The following RIN3 variants were observed in gnomAD, a reference collection of about 807,000 sequenced individuals.
RIN3 encodes RAB5 interacting protein 3.
Under a neutral mutation model 76.3 loss-of-function variants are expected in RIN3, and 54 were observed. The ratio of observed to expected loss-of-function variants is 0.71; its 90% confidence interval spans 0.57 to 0.89. The LOEUF is 0.89. Ranked by LOEUF, RIN3 falls within the 40% of genes least tolerant of loss-of-function variation. RIN3 has a pLI of 0.00. For missense variants in RIN3, 1,256 were observed against 1,322.1 expected, an observed-to-expected ratio of 0.95 and a Z score of 0.78; for synonymous variants, 576 against 564.0, an observed-to-expected ratio of 1.02 and a Z score of -0.30.
intron 2 of RIN3, among the ~76,000 whole-genome samples, chr14:92,562,538 A>G (rs1189448001): frequency 6.6e-6 from 1 of 152,214 alleles, no homozygotes; most frequent in Non-Finnish European, 1.5e-5. Flanking sequence ...TTGTGGAATC[A>G]GGGGCACTTT....
At chr14:92,683,284 C>T (rs1167342453) in intron 8 of RIN3, among the ~76,000 whole-genome samples, 5 of 152,286 alleles carry the variant, frequency 3.3e-5, no homozygotes, top group Admixed American at 6.5e-5. Flanking sequence ...GCTGGGGACC[C>T]GAGAGACCAG....
rs371959950 is a variant in RIN3, at chr14:92,656,360, G to A, written c.2027-2801G>A. 3.5e-4 allele frequency among the ~76,000 whole-genome samples: 53 copies of A among 152,312 alleles called. 3 individuals are homozygous for A. Among genetic ancestry groups the A allele is most frequent in the African/African-American group, 1.3e-3 (53 of 41,568 alleles). On this transcript the variant is annotated intron_variant, in intron 6 of 9. Coordinates refer to ENST00000216487, the MANE Select transcript of RIN3 (RefSeq NM_024832.5). The surrounding 1 kb of genome is among the most constrained non-coding windows in gnomAD (Gnocchi z 5.2). ...CCAGAGGTGATGGAGCCCCTGAAGG[G>A]TGTGTGTGGAGGGCAGAGGAGAGGG...
At chr14:92,579,239 T>C (rs1898360640) in intron 3 of RIN3, among the ~76,000 whole-genome samples, 1 of 152,256 alleles carries the variant, frequency 6.6e-6, no homozygotes, top group Admixed American at 6.5e-5. Flanking sequence ...TGAGCCATAA[T>C]TTCTAATCTT....
intron 3 of RIN3, among the ~76,000 whole-genome samples, chr14:92,584,866 A>G (rs76038743): frequency 1.2e-3 from 180 of 152,344 alleles, no homozygotes; most frequent in Non-Finnish European, 2.2e-3. Context: ...ACTTGGCCCC[A>G]TCTCCAGAAT....
intron 3 of RIN3, among the ~76,000 whole-genome samples, chr14:92,608,549 T>A (rs1226177104): frequency 6.6e-6 from 1 of 151,942 alleles, no homozygotes; most frequent in Non-Finnish European, 1.5e-5. Context: ...GCATTTTTTT[T>A]TTTGAGACAG....
Position 92,652,308 on chromosome 14 carries a change from A to G in RIN3, c.1259A>G (p.Asp420Gly). ...QLSLPPQGTS[D>G]GPEDTPREST... ...AGCCTGCCTCCCCAAGGGACCTCAG[A>G]CGGCCCTGAGGACACGCCCCGGGAG... The change falls in exon 6 of 10, where the codon GAC becomes GGC. Residue 420 changes from aspartate (D) to glycine (G), a missense_variant. By Grantham distance (94) the Asp-to-Gly change is moderately conservative. Coordinates refer to ENST00000216487, the MANE Select transcript of RIN3 (RefSeq NM_024832.5). The surrounding 1 kb of genome is among the most constrained non-coding windows in gnomAD (Gnocchi z 6.4). 1 of 1,608,248 alleles carries G rather than the reference A, an allele frequency of 6.2e-7. No individual in the cohort carries two copies. Among genetic ancestry groups the G allele is most frequent in the Non-Finnish European group, 8.5e-7 (1 of 1,176,214 alleles).
chr14:92,629,260 C>T (rs777019299), intron 4 of RIN3, among the ~76,000 whole-genome samples: 29 of 152,326 alleles, frequency 1.9e-4, no homozygotes, highest in African/African-American at 2.2e-4. Context: ...CCCGCTGGCT[C>T]GCCAAAATAT....
In RIN3 at chr14:92,555,757, T is replaced by C; in HGVS notation, c.51T>C (p.Val17=). 1 of 1,614,120 alleles carries C rather than the reference T, an allele frequency of 6.2e-7. No individual in the cohort carries two copies. Among genetic ancestry groups the C allele is most frequent in the South Asian group, 1.1e-5 (1 of 91,070 alleles). Residue 17 remains valine (V), a synonymous_variant, in exon 2 of 10, where the codon GTT becomes GTC. Transcript: ENST00000216487. The part of the protein sequence containing the change: ...APARGDPTGP[V]PVVGKGEEEE... ...ATTGAATTCTGTTTTTCAGTCCGGT[T>C]CCAGTTGTTGGCAAAGGAGAGGAAG...
chr14:92,539,472 C>G (rs58855510), intron 1 of RIN3, among the ~76,000 whole-genome samples: 61,305 of 151,986 alleles, frequency 0.4, 12,564 homozygotes, highest in African/African-American at 0.44. Flanking sequence ...AAGCCACGGA[C>G]CTGGGATTCT....
Position 92,688,021 on chromosome 14 carries a change from C to A in RIN3, c.2727C>A (p.Cys909Ter). ...DTQAQALCAQ[C>*]AEKFAVERPQ... is the part of the protein sequence containing the mutation. ...AGGCCCAGGCGCTGTGCGCGCAGTGCGCGGAGAAGTTCGCGGTGGAGCGGC... is the reference window on the plus strand; with the variant it reads ...AGGCCCAGGCGCTGTGCGCGCAGTGAGCGGAGAAGTTCGCGGTGGAGCGGC... Residue 909 changes from cysteine (C) to a stop codon, truncating the protein, a stop_gained, in exon 10 of 10, where the codon TGC (cysteine) becomes TGA (stop). Coordinates refer to ENST00000216487, the MANE Select transcript of RIN3 (RefSeq NM_024832.5). LOFTEE classifies it high-confidence loss of function. 6.3e-7 allele frequency: 1 copy of A among 1,586,386 alleles called. No individual in the cohort carries two copies. Among genetic ancestry groups the A allele is most frequent in the Middle Eastern group, 1.7e-4 (1 of 5,838 alleles).
At chr14:92,518,789 CTGTGTGTGTGTGTGTG>C (rs61124300) in intron 1 of RIN3, among the ~76,000 whole-genome samples, 2 of 128,328 alleles carry the variant, frequency 1.6e-5, no homozygotes, top group African/African-American at 3.0e-5. Context: ...TAAGGGTGGC[CTGTGTGTGTGTGTGTG>C]TGTGTGTGTG....
chr14:92,653,354 C>T (rs572531297), intron 6 of RIN3, among the ~76,000 whole-genome samples: 4 of 152,336 alleles, frequency 2.6e-5, no homozygotes, highest in Non-Finnish European at 5.9e-5. Flanking sequence ...TACTCCCTGC[C>T]ATGGGGGACA....
At chr14:92,645,831 A>G (rs991252728) in intron 5 of RIN3, among the ~76,000 whole-genome samples, 2 of 152,124 alleles carry the variant, frequency 1.3e-5, no homozygotes, top group Non-Finnish European at 2.9e-5. Context: ...TCACATGCCT[A>G]TAATCCCAAC....
intron 4 of RIN3, among the ~76,000 whole-genome samples, chr14:92,633,781 AG>A (rs1886671659): frequency 1.3e-5 from 2 of 152,194 alleles, no homozygotes; most frequent in South Asian, 4.1e-4. Flanking sequence ...TTAATGAAAA[AG>A]TAAACTGGAC....
At position 92,655,309 on chromosome 14, in the gene RIN3, C is replaced by T. The variant is rs1397580269; in HGVS notation, c.2026+2234C>T. ...ATTGCAGTGAGCCGAGATTGTGCCA[C>T]TGCACTCCAGCCTGGGCAACAGAGC... On this transcript the variant is annotated intron_variant, in intron 6 of 9. Transcript: ENST00000216487. 2.6e-5 allele frequency among the ~76,000 whole-genome samples: 4 copies of T among 152,324 alleles called. No individual in the cohort carries two copies. In the South Asian group the frequency reaches 6.2e-4, roughly 24 times the overall value.
At chr14:92,584,942 C>A (rs1884713461) in intron 3 of RIN3, among the ~76,000 whole-genome samples, 1 of 152,180 alleles carries the variant, frequency 6.6e-6, no homozygotes, top group South Asian at 2.1e-4. Context: ...ACCATCTGAG[C>A]CATTTACCCC....
intron 1 of RIN3, among the ~76,000 whole-genome samples, chr14:92,518,789 CTGTGTGTG>C (rs61124300): frequency 1.0e-4 from 13 of 128,330 alleles, no homozygotes; most frequent in South Asian, 2.8e-4. Flanking sequence ...TAAGGGTGGC[CTGTGTGTG>C]TGTGTGTGTG....
chr14:92,635,602 A>C (rs55977629), intron 4 of RIN3, among the ~76,000 whole-genome samples: 31,501 of 152,094 alleles, frequency 0.21, 3,543 homozygotes, highest in South Asian at 0.29. Flanking sequence ...CTGTAATCCC[A>C]GCACTTCGGG....
At chr14:92,628,939 A>T (rs10144678) in intron 4 of RIN3, among the ~76,000 whole-genome samples, 3 of 151,870 alleles carry the variant, frequency 2.0e-5, no homozygotes, top group Admixed American at 1.3e-4. Flanking sequence ...ACTGAAAGAC[A>T]GAAAAAGAAA....
Sources: gnomAD v4.1 joint callset for allele counts (sites outside exome capture counted in the v4.1 genomes callset) on GRCh38, gnomAD v4.1.1 for gene constraint, Gnocchi (gnomAD v3.1) non-coding constraint, MANE v1.5 for transcripts, NCBI Gene and HGNC (gene_info 2026-07-23, HGNC 2026-07-21) for gene names.